KCNJ5: variants seen among roughly 807,000 people sequenced by gnomAD.
The protein encoded by KCNJ5 is potassium inwardly rectifying channel subfamily J member 5, also known as G protein-activated inward rectifier potassium channel 4.
A neutral mutation model predicts 20.2 loss-of-function variants in KCNJ5; 12 were observed. The observed-to-expected ratio is 0.59, with a 90% confidence interval of 0.38 to 0.96. The LOEUF (loss-of-function observed/expected upper bound fraction) is 0.96. Ranked by LOEUF, KCNJ5 falls within the 40% of genes least tolerant of loss-of-function variation. The pLI is 0.00. For missense variants in KCNJ5, 449 were observed against 557.6 expected, an observed-to-expected ratio of 0.81 and a Z score of 1.96; for synonymous variants, 210 against 213.9, an observed-to-expected ratio of 0.98 and a Z score of 0.16.
intron 2 of KCNJ5, among the ~76,000 whole-genome samples, chr11:128,914,926 GC>G (rs145803728): frequency 0.029 from 4,447 of 152,330 alleles, 92 homozygotes; most frequent in Non-Finnish European, 0.045. Flanking sequence ...GGGCCTCTCT[GC>G]CAAGGCTGTG....
Position 128,911,406 on chromosome 11 carries a change from G to A in KCNJ5, c.133G>A (p.Glu45Lys), listed in dbSNP as rs372447456. 4.6e-5 allele frequency: 74 copies of A among 1,614,236 alleles called. No homozygotes were observed. Among genetic ancestry groups the A allele is most frequent in the African/African-American group, 1.7e-4 (13 of 75,072 alleles). ...IATDRTRLLA[E>K]GKKPRQRYME... ...CACAGACCGTACGCGCCTGCTGGCCGAGGGCAAGAAGCCACGCCAGCGCTA... is the reference window on the plus strand; with the variant it reads ...CACAGACCGTACGCGCCTGCTGGCCAAGGGCAAGAAGCCACGCCAGCGCTA... The change falls in exon 2 of 3, where the codon GAG becomes AAG. Residue 45 changes from glutamate (E) to lysine (K), a missense_variant. This residue lies in a region of KCNJ5 where 203 missense variants were observed against 258.0 expected (regional missense o/e 0.79). Coordinates refer to ENST00000529694, the MANE Select transcript of KCNJ5 (RefSeq NM_000890.5). This position sits in a 1 kb window ranked among gnomAD's most constrained non-coding sequence, Gnocchi z 6.3.
At chr11:128,910,207 G>A (rs891962440) in intron 1 of KCNJ5, among the ~76,000 whole-genome samples, 4 of 152,150 alleles carry the variant, frequency 2.6e-5, no homozygotes, top group African/African-American at 7.2e-5. Flanking sequence ...CTTAAAGCTC[G>A]TTAAATGGGT....
intron 1 of KCNJ5, among the ~76,000 whole-genome samples, chr11:128,895,730 G>A (rs982083805): frequency 2.0e-4 from 30 of 152,238 alleles, no homozygotes; most frequent in African/African-American, 1.9e-4. Flanking sequence ...GCCTGGGGGC[G>A]GGCAGAGCTG....
chr11:128,911,967 G>T lies in KCNJ5; in HGVS notation c.694G>T (p.Ala232Ser). The T allele has an allele frequency of 6.2e-7, 1 of 1,600,626 alleles. No homozygotes were observed. Among genetic ancestry groups the T allele is most frequent in the Non-Finnish European group, 8.5e-7 (1 of 1,171,606 alleles). Residue 232 changes from alanine (A) to serine (S), a missense_variant, in exon 2 of 3, where the codon GCC becomes TCC. Coordinates refer to ENST00000529694, the MANE Select transcript of KCNJ5 (RefSeq NM_000890.5). This position sits in a 1 kb window ranked among gnomAD's most constrained non-coding sequence, Gnocchi z 6.3. ...GDLRNSHIVE[A>S]SIRAKLIKSR... ...CCTCCGCAACTCCCACATCGTGGAGGCCTCCATCCGGGCCAAGCTCATCAA... is the reference window on the plus strand; with the variant it reads ...CCTCCGCAACTCCCACATCGTGGAGTCCTCCATCCGGGCCAAGCTCATCAA...
intron 1 of KCNJ5, chr11:128,903,220 A>C: frequency 1.9e-6 from 2 of 1,035,272 alleles, no homozygotes; most frequent in Non-Finnish European, 2.7e-6. Flanking sequence ...CAACATTTTA[A>C]ATGTTTCTCT....
At chr11:128,910,390 A>C (rs1944478346) in intron 1 of KCNJ5, among the ~76,000 whole-genome samples, 2 of 152,200 alleles carry the variant, frequency 1.3e-5, no homozygotes, top group Non-Finnish European at 2.9e-5. Context: ...GCGGGCCTAC[A>C]CAGCAATTTG....
chr11:128,916,414 A>G lies in KCNJ5; in HGVS notation c.943A>G (p.Thr315Ala), dbSNP rs753416441. The G allele has an allele frequency of 6.2e-7, 1 of 1,613,868 alleles. No individual in the cohort carries two copies. The highest frequency in any genetic ancestry group is 1.1e-5 in the South Asian group (1 of 91,084). The change falls in exon 3 of 3, where the codon ACC (threonine) becomes GCC (alanine). Residue 315 changes from threonine (T) to alanine (A), a missense_variant. Physicochemically the swap from Thr to Ala is moderately conservative, Grantham distance 58. Around this residue, in one of 5 missense-constraint regions of KCNJ5, gnomAD observed 145 missense variants for 166.2 expected, o/e 0.87. Coordinates refer to ENST00000529694, the MANE Select transcript of KCNJ5 (RefSeq NM_000890.5). Reference sequence around the variant, plus strand: ...TGTAACTTCCGTTTCCCCAGGCATGACCTGCCAAGCCCGGAGCTCCTACAT... The same window carrying G: ...TGTAACTTCCGTTTCCCCAGGCATGGCCTGCCAAGCCCGGAGCTCCTACAT... Reference protein sequence around the residue: ...LEGMVEATGMTCQARSSYMDT... With the variant: ...LEGMVEATGMACQARSSYMDT...
intron 1 of KCNJ5, among the ~76,000 whole-genome samples, chr11:128,905,242 G>T (rs1253449389): frequency 6.6e-6 from 1 of 152,000 alleles, no homozygotes; most frequent in Non-Finnish European, 1.5e-5. Flanking sequence ...TCTCCCCTCC[G>T]CAGGCCCCTC....
At position 128,911,648 on chromosome 11, in the gene KCNJ5, G is replaced by A. The variant is rs200151607; in HGVS notation, c.375G>A (p.Glu125=). 1 of 1,614,234 alleles carries A rather than the reference G, an allele frequency of 6.2e-7. No individual in the cohort carries two copies. Among genetic ancestry groups the A allele is most frequent in the Admixed American group, 1.7e-5 (1 of 60,034 alleles). Residue 125 remains glutamate, a synonymous_variant, in exon 2 of 3, where the codon GAG becomes GAA. Coordinates refer to ENST00000529694, the MANE Select transcript of KCNJ5 (RefSeq NM_000890.5). This position sits in a 1 kb window ranked among gnomAD's most constrained non-coding sequence, Gnocchi z 6.3. Reference sequence around the variant, plus strand: ...ACCTGGACCATGTTGGCGACCAAGAGTGGATTCCTTGTGTTGAAAACCTCA... The same window carrying A: ...ACCTGGACCATGTTGGCGACCAAGAATGGATTCCTTGTGTTGAAAACCTCA... ...RGDLDHVGDQ[E]WIPCVENLSG...
chr11:128,911,158 A>T lies in KCNJ5; in HGVS notation c.-10-106A>T. The stretch of plus-strand genomic sequence containing the variant: ...GATTTCACGCCCTGACCCCTGGATA[A>T]CAGAAGAGAAGCCTGGGAGAGCCCC... On this transcript the variant is annotated intron_variant, in intron 1 of 2. Coordinates refer to ENST00000529694, the MANE Select transcript of KCNJ5 (RefSeq NM_000890.5). This position sits in a 1 kb window ranked among gnomAD's most constrained non-coding sequence, Gnocchi z 6.3. 1.2e-6 allele frequency: 1 copy of T among 867,688 alleles called. No individual in the cohort carries two copies. The highest frequency in any genetic ancestry group is 1.9e-6 in the Non-Finnish European group (1 of 525,960). The allele number at this position is 867,688 out of a possible 1,614,324, so 53.7% of individuals were successfully genotyped here.
chr11:128,916,942 A>G lies in KCNJ5; in HGVS notation c.*211A>G. ...GCATCCTGCCTGGGCCCCCCATGGC[A>G]GTGCTGCCTCTTGTAGGTGCTGGCT... is the stretch of plus-strand genomic sequence containing the variant. On this transcript the variant is annotated 3_prime_UTR_variant, in exon 3 of 3. Coordinates refer to ENST00000529694, the MANE Select transcript of KCNJ5 (RefSeq NM_000890.5). 1.8e-6 allele frequency: 1 copy of G among 554,714 alleles called. No homozygotes were observed. The highest frequency in any genetic ancestry group is 3.2e-6 in the Non-Finnish European group (1 of 313,266). The allele number at this position is 554,714 out of a possible 1,614,324, so 34.4% of individuals were successfully genotyped here.
In KCNJ5 at chr11:128,891,441, C is replaced by CACAGAAAGAGAGAG. The variant is rs1160699929; in HGVS notation, c.-290_-289insCAGAAAGAGAGAGA. ...ACACACACACACACACACACACACACAGAGAGAGAGAGAGAGAGAGAGAGA... is the reference window on the plus strand; with the variant it reads ...ACACACACACACACACACACACACACACAGAAAGAGAGAGAGAGAGAGAGAGAGAGAGAGAGAGA... On this transcript the variant is annotated 5_prime_UTR_variant, in exon 1 of 3. Transcript: ENST00000529694. The CACAGAAAGAGAGAG allele has an allele frequency of 1.8e-5, 1 of 54,924 alleles. No individual in the cohort carries two copies. Among genetic ancestry groups the CACAGAAAGAGAGAG allele is most frequent in the African/African-American group, 8.0e-5 (1 of 12,444 alleles). 3.4% of individuals were successfully genotyped at this position (54,924 alleles called of 1,614,324 possible). A position where few individuals can be genotyped will look rare whatever the true frequency, so the allele number is the denominator to read the frequency against.
chr11:128,898,074 T>G (rs889423355), intron 1 of KCNJ5, among the ~76,000 whole-genome samples: 1 of 152,258 alleles, frequency 6.6e-6, no homozygotes, highest in African/African-American at 2.4e-5. Context: ...TAATGAGTCT[T>G]GAACTTGTGT....
intron 1 of KCNJ5, among the ~76,000 whole-genome samples, chr11:128,910,553 A>C (rs1944481049): frequency 6.6e-6 from 1 of 152,266 alleles, no homozygotes; most frequent in African/African-American, 2.4e-5. Flanking sequence ...AAGAAACAGC[A>C]CAGGCTTGGG....
At position 128,903,609 on chromosome 11, in the gene KCNJ5, A is replaced by G. The variant is rs1944333119; in HGVS notation, c.-10-7655A>G. 5 of 1,327,684 alleles carry G rather than the reference A, an allele frequency of 3.8e-6. No homozygotes were observed. In the African/African-American group the frequency reaches 7.2e-5, roughly 19 times the overall value. The allele number at this position is 1,327,684 out of a possible 1,614,324, so 82.2% of individuals were successfully genotyped here. A position where few individuals can be genotyped will look rare whatever the true frequency, so the allele number is the denominator to read the frequency against. On this transcript the variant is annotated intron_variant, in intron 1 of 2. Transcript: ENST00000529694. ...CTACTGCGGGGGCCGTTGTCCAAGC[A>G]GACCTTCAGAGAGTGACGGGGCACT...
intron 1 of KCNJ5, chr11:128,904,408 T>C (rs1944355561): frequency 6.2e-7 from 1 of 1,613,800 alleles, no homozygotes; most frequent in Non-Finnish European, 8.5e-7. Context: ...AGAGAACGCA[T>C]CAAGGGTCGT....
At chr11:128,909,579 G>A (rs1260877064) in intron 1 of KCNJ5, among the ~76,000 whole-genome samples, 1 of 152,216 alleles carries the variant, frequency 6.6e-6, no homozygotes, top group Non-Finnish European at 1.5e-5. Flanking sequence ...TTAGCAACAT[G>A]TTTAATCTTT....
In KCNJ5 at chr11:128,918,208, C is replaced by T. The variant is rs1591455322; in HGVS notation, c.*1477C>T. On this transcript the variant is annotated 3_prime_UTR_variant, in exon 3 of 3. Transcript: ENST00000529694. ...CTCCCTCCACAGGCAGAGTTACAACCGGGAGGGCTGGGCAGGGAGGGCAGG... is the reference window on the plus strand; with the variant it reads ...CTCCCTCCACAGGCAGAGTTACAACTGGGAGGGCTGGGCAGGGAGGGCAGG... The T allele has an allele frequency of 6.6e-6, 1 of 152,112 alleles. No homozygotes were observed. Among genetic ancestry groups the T allele is most frequent in the South Asian group, 2.1e-4 (1 of 4,820 alleles). 9.4% of individuals were successfully genotyped at this position (152,112 alleles called of 1,614,324 possible). A position where few individuals can be genotyped will look rare whatever the true frequency, so the allele number is the denominator to read the frequency against.
At position 128,916,866 on chromosome 11, in the gene KCNJ5, C is replaced by A; in HGVS notation, c.*135C>A. The A allele has an allele frequency of 2.8e-6, 2 of 708,028 alleles. No homozygotes were observed. Among genetic ancestry groups the A allele is most frequent in the East Asian group, 2.7e-5 (1 of 36,686 alleles). 43.9% of individuals were successfully genotyped at this position (708,028 alleles called of 1,614,324 possible). On this transcript the variant is annotated 3_prime_UTR_variant, in exon 3 of 3. Transcript: ENST00000529694. ...GAGCCATCAAGGCTGTGGGGAGGAA[C>A]CATAAACCCAGCCCTCACAGCTCCC...
Sources: gnomAD v4.1 joint callset for allele counts (sites outside exome capture counted in the v4.1 genomes callset) on GRCh38, gnomAD v4.1.1 for gene constraint, gnomAD v4.1.1 regional missense constraint, Gnocchi (gnomAD v3.1) non-coding constraint, MANE v1.5 for transcripts, NCBI Gene and HGNC (gene_info 2026-07-23, HGNC 2026-07-21) for gene names.